The following DLG2 variants were observed in gnomAD, a reference collection of about 807,000 sequenced individuals.
DLG2 encodes the protein disks large homolog 2.
In DLG2, 45 loss-of-function variants were observed where a neutral mutation model predicts 132.5. That is an observed-to-expected ratio of 0.34 (90% CI 0.27 to 0.44). The LOEUF is 0.44. Ranked by LOEUF, DLG2 falls within the 20% of genes least tolerant of loss-of-function variation. DLG2 has a pLI of 1.00. For synonymous variants in DLG2, 424 were observed against 419.6 expected (o/e 1.01, Z -0.13); for missense variants, 1,045 against 1,196.9 (o/e 0.87, Z 1.87).
intron 3 of DLG2, among the ~76,000 whole-genome samples, chr11:85,386,879 A>G (rs2086379321): frequency 6.6e-6 from 1 of 151,298 alleles, no homozygotes; most frequent in South Asian, 2.1e-4. Context: ...AAAAAGTTAA[A>G]GAATATCCTT....
At chr11:85,537,377 G>A (rs185558660) in intron 3 of DLG2, among the ~76,000 whole-genome samples, 7 of 152,272 alleles carry the variant, frequency 4.6e-5, no homozygotes, top group South Asian at 2.1e-4. Flanking sequence ...AATAAATCTC[G>A]CTGCTGCTCA....
intron 7 of DLG2, among the ~76,000 whole-genome samples, chr11:84,444,335 G>A (rs962702867): frequency 8.5e-5 from 13 of 152,082 alleles, no homozygotes; most frequent in Admixed American, 2.6e-4. Context: ...GTTTCCCTAT[G>A]TAACAAACCT....
chr11:84,478,881 A>G (rs570364417), intron 7 of DLG2, among the ~76,000 whole-genome samples: 7 of 152,216 alleles, frequency 4.6e-5, no homozygotes, highest in African/African-American at 1.7e-4. Flanking sequence ...TGTGTAAGGC[A>G]TCTTCTTTGC....
chr11:84,671,085 C>A (rs577135764), intron 6 of DLG2, among the ~76,000 whole-genome samples: 3 of 151,142 alleles, frequency 2.0e-5, no homozygotes, highest in Non-Finnish European at 4.4e-5. Context: ...TGGGATTTAC[C>A]GAGTACAATA....
intron 6 of DLG2, among the ~76,000 whole-genome samples, chr11:84,626,847 A>ACATTTATTTTATTTTATTTTATTTTATTT (rs373094154): frequency 6.9e-6 from 1 of 144,012 alleles, no homozygotes. Flanking sequence ...CATCAATTAC[A>ACATTTATTTTATTTTATTTTATTTTATTT]TATTTTATTT....
At chr11:83,852,362 T>C (rs149598097) in intron 16 of DLG2, among the ~76,000 whole-genome samples, 1 of 152,344 alleles carries the variant, frequency 6.6e-6, no homozygotes, top group East Asian at 1.9e-4. Context: ...AGTATAATCA[T>C]ACCAGTGCAG....
intron 6 of DLG2, among the ~76,000 whole-genome samples, chr11:84,703,872 A>ATATATATATATG (rs2059478256): frequency 8.1e-6 from 1 of 123,844 alleles, no homozygotes; most frequent in African/African-American, 3.8e-5. Flanking sequence ...ATATATATAT[A>ATATATATATATG]TATATATATA....
chr11:84,561,383 CTCTTT>C (rs1278064410), intron 6 of DLG2, among the ~76,000 whole-genome samples: 1 of 152,094 alleles, frequency 6.6e-6, no homozygotes, highest in East Asian at 1.9e-4. Flanking sequence ...AATGTTACCT[CTCTTT>C]TAAGACTCAT....
intron 4 of DLG2, among the ~76,000 whole-genome samples, chr11:85,189,064 A>C (rs1307507415): frequency 6.6e-6 from 1 of 152,180 alleles, no homozygotes; most frequent in Non-Finnish European, 1.5e-5. Flanking sequence ...TTGAAAGAAA[A>C]AGAGAAAATT....
chr11:84,705,103 T>C (rs1031112567), intron 6 of DLG2, among the ~76,000 whole-genome samples: 59 of 151,690 alleles, frequency 3.9e-4, no homozygotes, highest in African/African-American at 1.4e-3. Flanking sequence ...GCCAGAATGA[T>C]TTCTTAAAGG....
chr11:83,691,249 T>C (rs2080942376), intron 18 of DLG2, among the ~76,000 whole-genome samples: 1 of 152,204 alleles, frequency 6.6e-6, no homozygotes, highest in Non-Finnish European at 1.5e-5. Flanking sequence ...AGGACACTTT[T>C]CTCTTCTGGC....
At chr11:84,609,311 G>C (rs1221864925) in intron 6 of DLG2, among the ~76,000 whole-genome samples, 1 of 152,100 alleles carries the variant, frequency 6.6e-6, no homozygotes, top group African/African-American at 2.4e-5. Context: ...AGGACTAAAT[G>C]AGTTAATACC....
At chr11:83,853,486 T>G (rs974349393) in intron 16 of DLG2, among the ~76,000 whole-genome samples, 1 of 152,176 alleles carries the variant, frequency 6.6e-6, no homozygotes, top group East Asian at 1.9e-4. Context: ...AGATGGTTTC[T>G]GCTCCCAAGA....
chr11:84,212,219 T>C (rs1326583237), intron 8 of DLG2, among the ~76,000 whole-genome samples: 2 of 152,178 alleles, frequency 1.3e-5, no homozygotes, highest in Non-Finnish European at 2.9e-5. Context: ...TGTATGAAAA[T>C]TGATTAAACA....
intron 6 of DLG2, among the ~76,000 whole-genome samples, chr11:84,619,727 G>A (rs973033320): frequency 3.3e-5 from 5 of 151,380 alleles, no homozygotes; most frequent in African/African-American, 9.7e-5. Flanking sequence ...AAAAATTCTC[G>A]AAAGTTTTTC....
chr11:83,558,848 C>CGTGTGT (rs3039336), intron 19 of DLG2, among the ~76,000 whole-genome samples: 2,600 of 142,292 alleles, frequency 0.018, 39 homozygotes, highest in African/African-American at 0.024. Flanking sequence ...TGCTAGATGT[C>CGTGTGT]GTGTGTGTGT....
intron 7 of DLG2, among the ~76,000 whole-genome samples, chr11:84,357,062 GC>G (rs2098618444): frequency 6.6e-6 from 1 of 151,924 alleles, no homozygotes; most frequent in Non-Finnish European, 1.5e-5. Context: ...GGAGAGGTGA[GC>G]AAAAAGTAAT....
At chr11:85,085,475 T>C (rs2067798166) in intron 6 of DLG2, among the ~76,000 whole-genome samples, 1 of 152,156 alleles carries the variant, frequency 6.6e-6, no homozygotes, top group South Asian at 2.1e-4. Flanking sequence ...GTTTGTATTT[T>C]ACCTTCCCAA....
intron 7 of DLG2, among the ~76,000 whole-genome samples, chr11:84,274,077 T>A (rs1436183641): frequency 1.3e-5 from 2 of 152,198 alleles, no homozygotes; most frequent in Middle Eastern, 3.2e-3. Context: ...ATGTGTTAAT[T>A]CCAAAGAAAT....
Sources: gnomAD v4.1 joint callset for allele counts (sites outside exome capture counted in the v4.1 genomes callset) on GRCh38, gnomAD v4.1.1 for gene constraint, MANE v1.5 for transcripts, NCBI Gene and HGNC (gene_info 2026-07-23, HGNC 2026-07-21) for gene names.